RAB38: variants seen among roughly 807,000 people sequenced by gnomAD.
RAB38 encodes ras-related protein Rab-38.
Under a neutral mutation model 18.4 loss-of-function variants are expected in RAB38, and 15 were observed. The observed-to-expected ratio is 0.82, with a 90% CI of 0.55 to 1.26. The LOEUF is 1.26. RAB38 is among the 50% of genes most tolerant of loss of function. The pLI is 0.00. For synonymous variants in RAB38, 101 were observed against 104.4 expected (o/e 0.97, Z 0.20); for missense variants, 294 against 267.4 (o/e 1.10, Z -0.69).
At chr11:87,837,355 C>G in the RAB38 span, among the ~76,000 whole-genome samples, 1 of 152,164 alleles carries the variant, frequency 6.6e-6, no homozygotes, top group Non-Finnish European at 1.5e-5. Context: ...ATACCTAATG[C>G]ATTTTTTTAA....
chr11:88,048,841 T>G, the RAB38 span, among the ~76,000 whole-genome samples: 1 of 152,124 alleles, frequency 6.6e-6, no homozygotes, highest in Non-Finnish European at 1.5e-5. Flanking sequence ...TAAATAATCT[T>G]TGCTGGCAGG....
At chr11:87,806,916 A>G in the RAB38 span, among the ~76,000 whole-genome samples, 2 of 152,156 alleles carry the variant, frequency 1.3e-5, no homozygotes, top group South Asian at 4.1e-4. Context: ...ATTTGAGACA[A>G]ATGAAATTCT....
At chr11:88,136,889 C>A (rs188762314) in intron 2 of RAB38, among the ~76,000 whole-genome samples, 75 of 152,310 alleles carry the variant, frequency 4.9e-4, no homozygotes, top group African/African-American at 1.8e-3. Flanking sequence ...AGCAGTCAGA[C>A]ATTTACACCC....
chr11:87,947,522 G>A, the RAB38 span, among the ~76,000 whole-genome samples: 1 of 152,094 alleles, frequency 6.6e-6, no homozygotes, highest in East Asian at 1.9e-4. Flanking sequence ...ATGGTTTCAG[G>A]TCTAACATTT....
the RAB38 span, among the ~76,000 whole-genome samples, chr11:87,928,028 T>C: frequency 2.0e-5 from 3 of 151,868 alleles, no homozygotes; most frequent in Non-Finnish European, 4.4e-5. Context: ...CAGTGAGCTA[T>C]GATTGTATCA....
the RAB38 span, among the ~76,000 whole-genome samples, chr11:87,915,547 A>G: frequency 6.6e-6 from 1 of 152,090 alleles, no homozygotes; most frequent in Non-Finnish European, 1.5e-5. Flanking sequence ...AAGTTACCCT[A>G]TATGGTCTAA....
the RAB38 span, among the ~76,000 whole-genome samples, chr11:87,851,066 C>A: frequency 2.6e-5 from 4 of 152,316 alleles, no homozygotes; most frequent in African/African-American, 7.2e-5. Flanking sequence ...GAGGCATTCA[C>A]ACAGAATGCT....
the RAB38 span, among the ~76,000 whole-genome samples, chr11:87,898,498 C>G: frequency 6.6e-6 from 1 of 151,822 alleles, no homozygotes; most frequent in African/African-American, 2.4e-5. Context: ...CCCTCCTAGA[C>G]TGTGGATTCC....
At chr11:88,143,067 G>A (rs1308603022) in intron 2 of RAB38, among the ~76,000 whole-genome samples, 2 of 152,154 alleles carry the variant, frequency 1.3e-5, no homozygotes, top group Non-Finnish European at 2.9e-5. Context: ...AAGGTTATAC[G>A]GTAGTGCAAT....
the RAB38 span, among the ~76,000 whole-genome samples, chr11:87,883,378 T>C: frequency 6.6e-6 from 1 of 151,918 alleles, no homozygotes; most frequent in Non-Finnish European, 1.5e-5. Context: ...TGAAATTTCC[T>C]AGCTAGGTCA....
the RAB38 span, among the ~76,000 whole-genome samples, chr11:88,055,686 G>T: frequency 6.6e-6 from 1 of 152,180 alleles, no homozygotes; most frequent in South Asian, 2.1e-4. Flanking sequence ...CAGTTTTCAA[G>T]CTGGGAAAAC....
chr11:88,121,834 T>C (rs1050643920), intron 2 of RAB38, among the ~76,000 whole-genome samples: 1 of 151,714 alleles, frequency 6.6e-6, no homozygotes, highest in Non-Finnish European at 1.5e-5. Context: ...AGTGCTGGGA[T>C]TACAGGCGTG....
the RAB38 span, among the ~76,000 whole-genome samples, chr11:88,027,553 G>A: frequency 6.6e-6 from 1 of 152,230 alleles, no homozygotes; most frequent in Admixed American, 6.5e-5. Flanking sequence ...TTAAAAAACG[G>A]CGCACCAGGA....
At chr11:87,824,127 C>T in the RAB38 span, among the ~76,000 whole-genome samples, 8 of 152,150 alleles carry the variant, frequency 5.3e-5, no homozygotes, top group Non-Finnish European at 5.9e-5. Context: ...GCCATCCCTT[C>T]CCCAGCATGG....
At chr11:88,169,078 A>G (rs957413847) in intron 1 of RAB38, among the ~76,000 whole-genome samples, 77 of 152,334 alleles carry the variant, frequency 5.1e-4, no homozygotes, top group African/African-American at 1.8e-3. Context: ...CAGAACAGGT[A>G]TGTAAAAAAG....
chr11:87,845,198 C>T, the RAB38 span, among the ~76,000 whole-genome samples: 1 of 152,024 alleles, frequency 6.6e-6, no homozygotes, highest in Admixed American at 6.6e-5. Context: ...AAGAACCAGG[C>T]AAATGTAGCC....
the RAB38 span, among the ~76,000 whole-genome samples, chr11:87,974,883 T>C: frequency 1.3e-5 from 2 of 152,076 alleles, no homozygotes; most frequent in East Asian, 3.9e-4. Flanking sequence ...CGAATTCATT[T>C]CCTAGGCCTA....
chr11:88,110,545 G>A (rs7937638), downstream of RAB38, among the ~76,000 whole-genome samples: 2,562 of 152,112 alleles, frequency 0.017, 71 homozygotes, highest in African/African-American at 0.059. Context: ...AAGGCCAGGC[G>A]TGGTGGCTCA....
chr11:87,811,890 G>T, the RAB38 span, among the ~76,000 whole-genome samples: 4 of 152,190 alleles, frequency 2.6e-5, no homozygotes, highest in Admixed American at 2.6e-4. Flanking sequence ...GGGAGAAAAT[G>T]AAATGTGTAC....
Sources: gnomAD v4.1 joint callset for allele counts (sites outside exome capture counted in the v4.1 genomes callset) on GRCh38, gnomAD v4.1.1 for gene constraint, MANE v1.5 for transcripts, NCBI Gene and HGNC (gene_info 2026-07-23, HGNC 2026-07-21) for gene names.